Variants in ENPP1 observed in about 807,000 individuals in gnomAD.
The protein encoded by ENPP1 is ectonucleotide pyrophosphatase/phosphodiesterase family member 1.
In ENPP1, 73 loss-of-function variants were observed where a neutral mutation model predicts 122.8. That is an observed-to-expected ratio of 0.59 (90% CI 0.49 to 0.72). The LOEUF is 0.72. ENPP1 is among the 30% of genes least tolerant of loss of function. The pLI is 0.00. For missense variants in ENPP1, 978 were observed against 1,128.1 expected (o/e 0.87, Z 1.91); for synonymous variants, 367 against 391.6 (o/e 0.94, Z 0.74).
intron 6 of ENPP1, among the ~76,000 whole-genome samples, chr6:131,857,712 A>C (rs1781966858): frequency 6.6e-6 from 1 of 152,178 alleles, no homozygotes; most frequent in Non-Finnish European, 1.5e-5. Flanking sequence ...ATGACGAGTT[A>C]GTGGGTGCAG....
In ENPP1 at chr6:131,850,098, T is replaced by C; in HGVS notation, c.422T>C (p.Ile141Thr). 6.2e-7 allele frequency: 1 copy of C among 1,601,898 alleles called. No homozygotes were observed. The highest frequency in any genetic ancestry group is 8.6e-7 in the Non-Finnish European group (1 of 1,168,856). The part of the protein sequence containing the change: ...NCCLDYQETC[I>T]EPEHIWTCNK... ...TGTTTAGATTACCAGGAGACGTGCA[T>C]AGAACCAGGTAAGGATGAGCAGGGA... The change falls in exon 3 of 25, where the codon ATA (isoleucine) becomes ACA (threonine). Residue 141 changes from isoleucine to threonine, a missense_variant. This residue lies in a region of ENPP1 where 330 missense variants were observed against 328.5 expected (regional missense o/e 1.00). Coordinates refer to ENST00000647893, the MANE Select transcript of ENPP1 (RefSeq NM_006208.3).
intron 1 of ENPP1, chr6:131,820,122 G>A (rs1242962234): frequency 2.4e-6 from 1 of 422,438 alleles, no homozygotes; most frequent in African/African-American, 2.1e-5. Flanking sequence ...CGGAGCGACT[G>A]GTCATAGTTT....
chr6:131,857,245 T>C (rs1781959246), intron 6 of ENPP1, among the ~76,000 whole-genome samples: 2 of 149,786 alleles, frequency 1.3e-5, no homozygotes, highest in Non-Finnish European at 3.0e-5. Context: ...AGTGTGGCCA[T>C]TCCTCAGGGA....
At chr6:131,876,007 C>G in intron 17 of ENPP1, 144 bp downstream of exon 17, 1 of 708,408 alleles carries the variant, frequency 1.4e-6, no homozygotes, top group Non-Finnish European at 2.6e-6. Context: ...CTCAGACTCA[C>G]TGAAGAAATG....
Position 131,895,083 on chromosome 6 carries a change from A to G in ENPP1, c.*4572A>G, listed in dbSNP as rs1173724339. ...AGTCTAAATATTGTAAGAGAGAGAG[A>G]AGAAAAGTGTACGGAATATAATTGT... On this transcript the variant is annotated 3_prime_UTR_variant, in exon 25 of 25. Transcript: ENST00000647893. 1.3e-5 allele frequency: 2 copies of G among 152,344 alleles called. No homozygotes were observed. Among genetic ancestry groups the G allele is most frequent in the East Asian group, 3.9e-4 (2 of 5,194 alleles). 9.4% of individuals were successfully genotyped at this position (152,344 alleles called of 1,614,324 possible).
chr6:131,857,881 G>A (rs1017858394), intron 6 of ENPP1, among the ~76,000 whole-genome samples: 4 of 152,158 alleles, frequency 2.6e-5, no homozygotes, highest in Non-Finnish European at 5.9e-5. Context: ...GGCATCGTGA[G>A]TTTAGAGTTA....
intron 17 of ENPP1, among the ~76,000 whole-genome samples, chr6:131,876,088 C>T (rs1562182677): frequency 6.6e-6 from 1 of 152,188 alleles, no homozygotes; most frequent in Non-Finnish European, 1.5e-5. Flanking sequence ...GTACACCACT[C>T]ACAGCAGGGT....
intron 1 of ENPP1, among the ~76,000 whole-genome samples, chr6:131,819,432 GACACTAAATGTTAAAT>G (rs1781456785): frequency 6.6e-6 from 1 of 152,190 alleles, no homozygotes; most frequent in South Asian, 2.1e-4. Flanking sequence ...TTGAAAAGGT[GACACTAAATGTTAAAT>G]ACACAGCCTT....
At chr6:131,861,003 T>C (rs1456959361) in intron 8 of ENPP1, among the ~76,000 whole-genome samples, 1 of 152,188 alleles carries the variant, frequency 6.6e-6, no homozygotes, top group Non-Finnish European at 1.5e-5. Context: ...ACAATAATTA[T>C]ATAAGGTCTA....
At chr6:131,889,170 A>AT (rs2114735301) in intron 24 of ENPP1, among the ~76,000 whole-genome samples, 1 of 152,346 alleles carries the variant, frequency 6.6e-6, no homozygotes, top group South Asian at 2.1e-4. Context: ...TATATGTTAA[A>AT]TAACTTTCCT....
At chr6:131,851,865 G>T (rs1448994417) in intron 4 of ENPP1, among the ~76,000 whole-genome samples, 1 of 152,010 alleles carries the variant, frequency 6.6e-6, no homozygotes, top group African/African-American at 2.4e-5. Context: ...AGAAGGGGAG[G>T]GTTGTAAATT....
At position 131,824,484 on chromosome 6, in the gene ENPP1, T is replaced by C. The variant is rs534993918; in HGVS notation, c.240+16209T>C. Among the ~76,000 whole-genome samples the C allele has an allele frequency of 5.9e-5, 9 of 151,954 alleles. No homozygotes were observed. The East Asian group carries it at 1.8e-3, about 30-fold the overall frequency. ...TGTTGTTGTTGTTTGAGACGGAGTC[T>C]CTCTCTGTCATCCAGGCTGTAGTGC... is the stretch of plus-strand genomic sequence containing the variant. On this transcript the variant is annotated intron_variant, in intron 1 of 24. Coordinates refer to ENST00000647893, the MANE Select transcript of ENPP1 (RefSeq NM_006208.3).
At chr6:131,861,802 A>G in intron 9 of ENPP1, 98 bp downstream of exon 9, 1 of 747,988 alleles carries the variant, frequency 1.3e-6, no homozygotes, top group South Asian at 1.5e-5. Context: ...CATTTGAGTG[A>G]TATGTTGGCT....
In ENPP1 at chr6:131,872,106, GTA is replaced by G; in HGVS notation, c.1437+7_1437+8del. 6.3e-7 allele frequency: 1 copy of G among 1,577,152 alleles called. No individual in the cohort carries two copies. The highest frequency in any genetic ancestry group is 2.2e-5 in the East Asian group (1 of 44,574). On this transcript the variant is annotated splice_donor_region_variant and intron_variant, in intron 14 of 24. Transcript: ENST00000647893. ...GGCATTGCCCGAAATCTTTCTGTGAGTATCTTTATTTTCCATTATCTAGTTAT... is the reference window on the plus strand; with the variant it reads ...GGCATTGCCCGAAATCTTTCTGTGAGTCTTTATTTTCCATTATCTAGTTAT...
Position 131,886,728 on chromosome 6 carries a change from A to T in ENPP1, c.2607+4A>T. On this transcript the variant is annotated splice_donor_region_variant and intron_variant, in intron 24 of 24. Coordinates refer to ENST00000647893, the MANE Select transcript of ENPP1 (RefSeq NM_006208.3). ...TGATAACAGCGAGAGCTGTGTGGTAAGTAGCTTTTGTATATTTACTTTGCA... is the reference window on the plus strand; with the variant it reads ...TGATAACAGCGAGAGCTGTGTGGTATGTAGCTTTTGTATATTTACTTTGCA... 6.2e-7 allele frequency: 1 copy of T among 1,611,134 alleles called. No homozygotes were observed.
In ENPP1 at chr6:131,893,414, G is replaced by A. The variant is rs2114740447; in HGVS notation, c.*2903G>A. 1 of 152,290 alleles carries A rather than the reference G, an allele frequency of 6.6e-6. No homozygotes were observed. The highest frequency in any genetic ancestry group is 1.9e-4 in the East Asian group (1 of 5,204). 9.4% of individuals were successfully genotyped at this position (152,290 alleles called of 1,614,324 possible). A position where few individuals can be genotyped will look rare whatever the true frequency, so the allele number is the denominator to read the frequency against. ...TGGATGCTTCTTGGTAGTAGAGGCA[G>A]TGGCTTCCCAGCCTTGGGGCTAAGG... On this transcript the variant is annotated 3_prime_UTR_variant, in exon 25 of 25. Transcript: ENST00000647893.
chr6:131,889,389 C>A (rs758586892), intron 24 of ENPP1, among the ~76,000 whole-genome samples: 2 of 152,026 alleles, frequency 1.3e-5, no homozygotes, highest in East Asian at 1.9e-4. Flanking sequence ...CCTCCCACCC[C>A]CTGCCCTCCA....
At position 131,883,715 on chromosome 6, in the gene ENPP1, G is replaced by A. The variant is rs1195604374; in HGVS notation, c.2252G>A (p.Gly751Glu). Reference protein sequence around the residue: ...SPPQLNKNSSGIYSEALLTTN... With the variant: ...SPPQLNKNSSEIYSEALLTTN... ...GTAGAACTAAATAAAAATTCAAGTGGAATATATTCTGAAGCTTTGCTTACT... is the reference window on the plus strand; with the variant it reads ...GTAGAACTAAATAAAAATTCAAGTGAAATATATTCTGAAGCTTTGCTTACT... Residue 751 changes from glycine (G) to glutamate (E), a missense_variant, in exon 22 of 25, where the codon GGA becomes GAA. Gly to Glu is a moderately conservative substitution (Grantham distance 98). Coordinates refer to ENST00000647893, the MANE Select transcript of ENPP1 (RefSeq NM_006208.3). The A allele has an allele frequency of 4.7e-6, 7 of 1,502,486 alleles. No individual in the cohort carries two copies. Among genetic ancestry groups the A allele is most frequent in the Non-Finnish European group, 6.5e-6 (7 of 1,079,434 alleles). The allele number at this position is 1,502,486 out of a possible 1,614,324, so 93.1% of individuals were successfully genotyped here.
At chr6:131,881,552 TAGACTC>T (rs1401057076) in intron 20 of ENPP1, among the ~76,000 whole-genome samples, 67 of 152,278 alleles carry the variant, frequency 4.4e-4, no homozygotes, top group African/African-American at 1.5e-3. Flanking sequence ...CTATGGAAGA[TAGACTC>T]AGATCTCTAA....
Sources: allele counts gnomAD v4.1 joint callset (sites outside exome capture counted in the v4.1 genomes callset), GRCh38; gene constraint gnomAD v4.1.1; regional missense constraint gnomAD v4.1.1; transcripts MANE v1.5; gene names NCBI Gene and HGNC (gene_info 2026-07-23, HGNC 2026-07-21).